UTRN: variants seen among roughly 807,000 people sequenced by gnomAD.
UTRN encodes the protein utrophin.
UTRN carries 283 observed loss-of-function variants against 463.9 expected under a neutral mutation model. The ratio of observed to expected loss-of-function variants is 0.61; its 90% CI spans 0.55 to 0.67. The LOEUF is 0.67. Among genes scored for constraint, UTRN ranks in the 30% least tolerant of loss-of-function variants. The pLI, the probability that UTRN is intolerant of heterozygous loss-of-function variation, is 0.00. For synonymous variants in UTRN, 1,442 were observed against 1,431.5 expected (o/e 1.01, Z -0.17); for missense variants, 3,922 against 4,084.3 (o/e 0.96, Z 1.08).
chr6:144,444,255 CAA>C, intron 13 of UTRN, 24 bp from the exon 14 acceptor site: 1 of 1,579,602 alleles, frequency 6.3e-7, no homozygotes, highest in Non-Finnish European at 8.7e-7. Flanking sequence ...GCTGTGTTGA[CAA>C]AGGATGGTTT....
chr6:144,460,777 A>G (rs1789329290), intron 21 of UTRN, among the ~76,000 whole-genome samples: 2 of 152,224 alleles, frequency 1.3e-5, no homozygotes, highest in South Asian at 2.1e-4. Flanking sequence ...GTATTTCCAT[A>G]TAATCTCCTC....
chr6:144,467,756 T>C (rs1487947085), intron 23 of UTRN, among the ~76,000 whole-genome samples: 1 of 152,206 alleles, frequency 6.6e-6, no homozygotes, highest in Admixed American at 6.5e-5. Context: ...ATATAATTGA[T>C]ATAATTATCT....
At chr6:144,748,107 C>A in intron 54 of UTRN, 139 bp from the exon 55 acceptor site, 2 of 1,084,222 alleles carry the variant, frequency 1.8e-6, no homozygotes, top group Non-Finnish European at 2.5e-6. Context: ...CTTTCTTACC[C>A]TGGACAATTT....
intron 52 of UTRN, among the ~76,000 whole-genome samples, chr6:144,688,964 T>G (rs951971340): frequency 6.6e-6 from 1 of 152,052 alleles, no homozygotes; most frequent in Admixed American, 6.6e-5. Flanking sequence ...CTCAGGGAAA[T>G]GCACTGAGGT....
chr6:144,411,764 G>A (rs150952934), intron 3 of UTRN, among the ~76,000 whole-genome samples: 8 of 152,192 alleles, frequency 5.3e-5, no homozygotes, highest in Non-Finnish European at 8.8e-5. Context: ...GTGATGACCA[G>A]CACCATCTGT....
Position 144,469,357 on chromosome 6 carries a change from T to C in UTRN, c.3067-4363T>C, listed in dbSNP as rs185144722. Among the ~76,000 whole-genome samples the C allele has an allele frequency of 2.0e-5, 3 of 152,304 alleles. No individual in the cohort carries two copies. In the East Asian group the frequency reaches 5.8e-4, roughly 29 times the overall value. On this transcript the variant is annotated intron_variant, in intron 23 of 74. Coordinates refer to ENST00000367545, the MANE Select transcript of UTRN (RefSeq NM_007124.3). ...GTTGGTTTTGTAGATCTTAGTATAATAATCGCTACCATTTAGTGCATTCTT... is the reference window on the plus strand; with the variant it reads ...GTTGGTTTTGTAGATCTTAGTATAACAATCGCTACCATTTAGTGCATTCTT...
chr6:144,523,007 T>A lies in UTRN; in HGVS notation c.5734-9T>A. On this transcript the variant is annotated splice_polypyrimidine_tract_variant and intron_variant, in intron 40 of 74. Transcript: ENST00000367545. ...TGGATTTTGTTAATCTATGACAATATATTTTTAGAATATCAAAGACCAACT... is the reference window on the plus strand; with the variant it reads ...TGGATTTTGTTAATCTATGACAATAAATTTTTAGAATATCAAAGACCAACT... The A allele has an allele frequency of 6.4e-7, 1 of 1,574,646 alleles. No homozygotes were observed. The highest frequency in any genetic ancestry group is 8.6e-7 in the Non-Finnish European group (1 of 1,162,434).
chr6:144,468,044 C>G (rs1488733785), intron 23 of UTRN, among the ~76,000 whole-genome samples: 1 of 147,874 alleles, frequency 6.8e-6, no homozygotes, highest in East Asian at 2.0e-4. Context: ...TTTTTCTGGT[C>G]TATGTCTTAA....
chr6:144,303,001 A>T (rs59803839), intron 2 of UTRN, among the ~76,000 whole-genome samples: 13,124 of 152,208 alleles, frequency 0.086, 1,629 homozygotes, highest in African/African-American at 0.26. Flanking sequence ...CCCTGTAAGA[A>T]GCCACTACAG....
At chr6:144,536,349 T>C (rs1049894990) in intron 43 of UTRN, among the ~76,000 whole-genome samples, 3 of 152,154 alleles carry the variant, frequency 2.0e-5, no homozygotes, top group African/African-American at 7.2e-5. Context: ...ATAATAGTAT[T>C]TTGGGTGTTT....
At chr6:144,292,495 T>A (rs1804332003) in intron 2 of UTRN, among the ~76,000 whole-genome samples, 1 of 152,178 alleles carries the variant, frequency 6.6e-6, no homozygotes. Context: ...TCCAATCTTT[T>A]TATATAACCG....
chr6:144,842,110 C>CAAAAAAA (rs35954430), intron 73 of UTRN, among the ~76,000 whole-genome samples: 3 of 62,098 alleles, frequency 4.8e-5, no homozygotes, highest in African/African-American at 9.4e-5. Flanking sequence ...ACTTCCTCTC[C>CAAAAAAA]AAAAAAAAAA....
At chr6:144,431,015 G>T (rs781533215) in intron 9 of UTRN, among the ~76,000 whole-genome samples, 1 of 152,108 alleles carries the variant, frequency 6.6e-6, no homozygotes, top group African/African-American at 2.4e-5. Flanking sequence ...AATATCAAAT[G>T]ATGCTGAGGA....
At chr6:144,781,773 T>C in intron 60 of UTRN, 149 bp from the exon 61 acceptor site, 1 of 569,290 alleles carries the variant, frequency 1.8e-6, no homozygotes, top group Non-Finnish European at 3.0e-6. Context: ...TTTGTTTCTT[T>C]AAAAGCTGAA....
chr6:144,299,132 T>G (rs1468474705), intron 2 of UTRN, among the ~76,000 whole-genome samples: 1 of 152,202 alleles, frequency 6.6e-6, no homozygotes, highest in Non-Finnish European at 1.5e-5. Flanking sequence ...TTTTGAAAAC[T>G]AGGTTTTGAG....
chr6:144,798,494 A>G (rs1007235744), intron 64 of UTRN, among the ~76,000 whole-genome samples: 1 of 152,198 alleles, frequency 6.6e-6, no homozygotes, highest in African/African-American at 2.4e-5. Context: ...CTTTAATGTA[A>G]TCAGTGTGTC....
intron 54 of UTRN, among the ~76,000 whole-genome samples, chr6:144,745,144 A>T (rs1790571317): frequency 6.6e-6 from 1 of 152,108 alleles, no homozygotes; most frequent in Admixed American, 6.5e-5. Context: ...GGTGAAGCAG[A>T]TTCTCTGCTT....
intron 50 of UTRN, among the ~76,000 whole-genome samples, chr6:144,557,951 A>G (rs1799537575): frequency 6.6e-6 from 1 of 152,208 alleles, no homozygotes; most frequent in African/African-American, 2.4e-5. Context: ...TTAAGACTGC[A>G]TATTTATATT....
At chr6:144,549,402 A>G (rs7767272) in intron 47 of UTRN, among the ~76,000 whole-genome samples, 2,241 of 152,370 alleles carry the variant, frequency 0.015, 63 homozygotes, top group African/African-American at 0.051. Context: ...TGAAATAATA[A>G]TAACAGCTCT....
Sources: gnomAD v4.1 joint callset for allele counts (sites outside exome capture counted in the v4.1 genomes callset) on GRCh38, gnomAD v4.1.1 for gene constraint, MANE v1.5 for transcripts, NCBI Gene and HGNC (gene_info 2026-07-23, HGNC 2026-07-21) for gene names.